The following PSME4 variants were observed in gnomAD, a reference collection of about 807,000 sequenced individuals.
PSME4 encodes proteasome activator subunit 4.
In PSME4, 89 loss-of-function variants were observed where a neutral mutation model predicts 253.9. The observed-to-expected ratio is 0.35, with a 90% CI of 0.30 to 0.42. The LOEUF is 0.42. PSME4 is among the 10% of genes least tolerant of loss of function. PSME4 has a pLI of 1.00. For synonymous variants in PSME4, 851 were observed against 759.2 expected (o/e 1.12, Z -1.99); for missense variants, 2,014 against 2,195.2 (o/e 0.92, Z 1.65).
At chr2:53,901,820 T>G (rs972069656) in intron 27 of PSME4, among the ~76,000 whole-genome samples, 3 of 152,206 alleles carry the variant, frequency 2.0e-5, no homozygotes, top group African/African-American at 7.2e-5. Context: ...CTGTAATTCT[T>G]GCATTTTGGG....
At chr2:53,961,861 C>G (rs529751797) in intron 1 of PSME4, among the ~76,000 whole-genome samples, 2 of 152,166 alleles carry the variant, frequency 1.3e-5, no homozygotes, top group Non-Finnish European at 2.9e-5. Context: ...ATTTATAACC[C>G]GAAGCGTCCA....
At chr2:53,903,055 C>T (rs1191142869) in intron 27 of PSME4, among the ~76,000 whole-genome samples, 2 of 152,188 alleles carry the variant, frequency 1.3e-5, no homozygotes, top group African/African-American at 4.8e-5. Flanking sequence ...GGTCACTCAG[C>T]TCTTCTATTT....
intron 14 of PSME4, among the ~76,000 whole-genome samples, chr2:53,923,913 CAAAAAAAAAAAAAAAAAAA>C (rs199929436): frequency 1.2e-4 from 12 of 96,868 alleles, no homozygotes; most frequent in Non-Finnish European, 1.2e-4. Flanking sequence ...ACAGAGTTAA[CAAAAAAAAAAAAAAAAAAA>C]AAAAAAAAAA....
At chr2:53,885,643 T>C in intron 41 of PSME4, 47 bp downstream of exon 41, 1 of 1,403,620 alleles carries the variant, frequency 7.1e-7, no homozygotes, top group East Asian at 2.3e-5. Flanking sequence ...ACAAATTCCT[T>C]ATGAAGGTCA....
intron 37 of PSME4, 146 bp from the exon 38 acceptor site, chr2:53,888,958 C>G: frequency 5.0e-6 from 3 of 597,938 alleles, no homozygotes; most frequent in Non-Finnish European, 8.5e-6. Context: ...GATTGCCTCC[C>G]AGGCTCAAGT....
intron 7 of PSME4, 95 bp downstream of exon 7, chr2:53,935,992 C>A (rs1352096839): frequency 6.8e-7 from 1 of 1,476,448 alleles, no homozygotes; most frequent in East Asian, 2.5e-5. Context: ...CTCCTGGGTT[C>A]AAGAGATTCT....
intron 1 of PSME4, among the ~76,000 whole-genome samples, chr2:53,958,912 A>G (rs1486518850): frequency 6.6e-6 from 1 of 152,154 alleles, no homozygotes; most frequent in Non-Finnish European, 1.5e-5. Context: ...ATTACCAACA[A>G]AAAAATTAAT....
In PSME4 at chr2:53,893,759, A is replaced by T; in HGVS notation, c.3953T>A (p.Phe1318Tyr). The T allele has an allele frequency of 6.2e-7, 1 of 1,610,784 alleles. No individual in the cohort carries two copies. The highest frequency in any genetic ancestry group is 8.5e-7 in the Non-Finnish European group (1 of 1,178,292). ...TAGAAAAGTAATTAACTGCTCAACA[A>T]ATTTAGGATCAGAAAAATGATCAAA... Reference protein sequence around the residue: ...IIFDHFSDPKFVEQLITFLSL... With the variant: ...IIFDHFSDPKYVEQLITFLSL... The change falls in exon 35 of 47, where the codon TTT becomes TAT. Residue 1318 changes from phenylalanine (F) to tyrosine (Y), a missense_variant. By Grantham distance (22) the Phe-to-Tyr change is conservative. Coordinates refer to ENST00000404125, the MANE Select transcript of PSME4 (RefSeq NM_014614.3).
At chr2:53,919,786 T>G (rs560827933) in intron 19 of PSME4, among the ~76,000 whole-genome samples, 2 of 152,250 alleles carry the variant, frequency 1.3e-5, no homozygotes, top group South Asian at 4.1e-4. Context: ...TTTCAAATAC[T>G]TATTTCTTGT....
intron 40 of PSME4, among the ~76,000 whole-genome samples, chr2:53,887,031 A>C (rs908701885): frequency 2.6e-5 from 4 of 152,162 alleles, no homozygotes; most frequent in Non-Finnish European, 5.9e-5. Flanking sequence ...AAAGGGTACA[A>C]AGTTTCAGTT....
chr2:53,967,575 G>A (rs1271482742), intron 1 of PSME4, among the ~76,000 whole-genome samples: 1 of 147,232 alleles, frequency 6.8e-6, no homozygotes, highest in Admixed American at 6.8e-5. Context: ...CAGGGAGGTG[G>A]AGGTGGAGGT....
chr2:53,966,832 T>C (rs1670761407), intron 1 of PSME4, among the ~76,000 whole-genome samples: 1 of 152,084 alleles, frequency 6.6e-6, no homozygotes, highest in Non-Finnish European at 1.5e-5. Flanking sequence ...CCTGAGTAGC[T>C]GGGATTAAAG....
chr2:53,940,985 A>ATATATATG (rs1558414113), intron 3 of PSME4, among the ~76,000 whole-genome samples: 1 of 95,030 alleles, frequency 1.1e-5, no homozygotes, highest in East Asian at 2.8e-4. Context: ...ATATATATAT[A>ATATATATG]TATATATATA....
chr2:53,871,975 C>G (rs141470049), intron 43 of PSME4, among the ~76,000 whole-genome samples: 107 of 152,230 alleles, frequency 7.0e-4, no homozygotes, highest in African/African-American at 2.5e-3. Context: ...GATCGCACCA[C>G]TGCACTCCCG....
intron 3 of PSME4, among the ~76,000 whole-genome samples, chr2:53,940,938 TAAATATATATATACA>T (rs1178800452): frequency 9.1e-4 from 54 of 59,354 alleles, no homozygotes; most frequent in Admixed American, 1.8e-3. Flanking sequence ...AATACATATA[TAAATATATATATACA>T]TATATATATA....
chr2:53,922,622 T>C (rs1046257998), intron 16 of PSME4, 38 bp from the exon 17 acceptor site: 5 of 1,595,146 alleles, frequency 3.1e-6, no homozygotes, highest in Middle Eastern at 1.7e-4. Context: ...GAAAAACCTA[T>C]GCATTCAACT....
Position 53,899,934 on chromosome 2 carries a change from T to G in PSME4, c.3369A>C (p.Glu1123Asp). ...PSINQILLSP[E>D]KIKEGIKRQQ... Reference sequence around the variant, plus strand: ...GGCGTTTAATTCCTTCCTTAATTTTTTCTGGGCTAAGCAATATCTGGTTGA... The same window carrying G: ...GGCGTTTAATTCCTTCCTTAATTTTGTCTGGGCTAAGCAATATCTGGTTGA... The change falls in exon 29 of 47, where the codon GAA (glutamate) becomes GAC (aspartate). Residue 1123 changes from glutamate to aspartate, a missense_variant. Physicochemically the swap from Glu to Asp is conservative, Grantham distance 45. This residue lies in a region of PSME4 where 989 missense variants were observed against 1,021.1 expected (regional missense o/e 0.97). Transcript: ENST00000404125. The G allele has an allele frequency of 6.2e-7, 1 of 1,613,700 alleles. No homozygotes were observed. The highest frequency in any genetic ancestry group is 8.5e-7 in the Non-Finnish European group (1 of 1,179,584).
intron 36 of PSME4, among the ~76,000 whole-genome samples, chr2:53,891,548 T>C (rs934264085): frequency 4.6e-5 from 6 of 129,914 alleles, no homozygotes; most frequent in Non-Finnish European, 8.3e-5. Context: ...TAAAAAAATT[T>C]TGAATTTTTT....
At chr2:53,898,625 T>C (rs1210113932) in intron 29 of PSME4, among the ~76,000 whole-genome samples, 1 of 133,604 alleles carries the variant, frequency 7.5e-6, no homozygotes, top group East Asian at 2.4e-4. Context: ...ATCAATTAAT[T>C]GGGAGTGGCA....
Sources: gnomAD v4.1 joint callset for allele counts (sites outside exome capture counted in the v4.1 genomes callset) on GRCh38, gnomAD v4.1.1 for gene constraint, gnomAD v4.1.1 regional missense constraint, MANE v1.5 for transcripts, NCBI Gene and HGNC (gene_info 2026-07-23, HGNC 2026-07-21) for gene names.